KIRREL3: variants seen among roughly 807,000 people sequenced by gnomAD.
The protein encoded by KIRREL3 is kin of IRRE-like protein 3.
In KIRREL3, 36 loss-of-function variants were observed where a neutral mutation model predicts 89.7. That is an observed-to-expected ratio of 0.40 (90% confidence interval 0.31 to 0.53). The LOEUF (loss-of-function observed/expected upper bound fraction) is 0.53. Among genes scored for constraint, KIRREL3 ranks in the 20% least tolerant of loss-of-function variants. KIRREL3 has a pLI of 0.49. For missense variants in KIRREL3, 864 were observed against 1,056.6 expected (o/e 0.82, Z 2.53); for synonymous variants, 445 against 441.4 (o/e 1.01, Z -0.10).
At position 126,687,478 on chromosome 11, in the gene KIRREL3, C is replaced by T; in HGVS notation, c.56-124566G>A. Among the ~76,000 whole-genome samples the T allele has an allele frequency of 6.6e-6, 1 of 152,134 alleles. No individual in the cohort carries two copies. The highest frequency in any genetic ancestry group is 1.5e-5 in the Non-Finnish European group (1 of 68,016). On this transcript the variant is annotated intron_variant, in intron 1 of 16. Coordinates refer to ENST00000525144, the MANE Select transcript of KIRREL3 (RefSeq NM_032531.4). This position sits in a 1 kb window ranked among gnomAD's most constrained non-coding sequence, Gnocchi z 4.6. ...GTAAAGAATTCACAAAAATCCACACCAAAACCTCTAGATATTCCCATGGAG... is the reference window on the plus strand; with the variant it reads ...GTAAAGAATTCACAAAAATCCACACTAAAACCTCTAGATATTCCCATGGAG...
At chr11:126,801,482 C>T (rs1951031473) in intron 1 of KIRREL3, among the ~76,000 whole-genome samples, 1 of 152,182 alleles carries the variant, frequency 6.6e-6, no homozygotes, top group Admixed American at 6.5e-5. Context: ...CCCCAAATCT[C>T]TCATATGTGG....
At chr11:126,868,342 C>T (rs940162750) in intron 1 of KIRREL3, among the ~76,000 whole-genome samples, 1 of 152,046 alleles carries the variant, frequency 6.6e-6, no homozygotes, top group African/African-American at 2.4e-5. Flanking sequence ...TAGAGGACCC[C>T]GTAGATCGAT....
Position 126,444,946 on chromosome 11 carries a change from C to T in KIRREL3, c.1252+33G>A, listed in dbSNP as rs764525092. ...GATGCCTGAGGTCCTTCTTCCCTCC[C>T]TCAGGCCTGGCTCACCCCAGCGAGG... On this transcript the variant is annotated intron_variant, in intron 10 of 16. Coordinates refer to ENST00000525144, the MANE Select transcript of KIRREL3 (RefSeq NM_032531.4). 48 of 1,611,894 alleles carry T rather than the reference C, an allele frequency of 3.0e-5. 2 individuals are homozygous for T. The South Asian group carries it at 4.8e-4, about 16-fold the overall frequency.
At chr11:126,552,168 A>G (rs1275676338) in intron 2 of KIRREL3, among the ~76,000 whole-genome samples, 1 of 151,956 alleles carries the variant, frequency 6.6e-6, no homozygotes, top group African/African-American at 2.4e-5. Context: ...TTTCTCCACT[A>G]GTCGTTTATT....
chr11:126,925,923 A>C (rs1947694726), intron 1 of KIRREL3, among the ~76,000 whole-genome samples: 1 of 152,218 alleles, frequency 6.6e-6, no homozygotes. Context: ...AACAGCAAAC[A>C]GACACCCCCG....
chr11:126,681,711 G>C (rs969554625), intron 1 of KIRREL3: 2 of 352,160 alleles, frequency 5.7e-6, no homozygotes, highest in Non-Finnish European at 1.1e-5. Flanking sequence ...GTGTATAGTA[G>C]GTGATCAATA....
chr11:126,888,000 G>A (rs1452345348), intron 1 of KIRREL3, among the ~76,000 whole-genome samples: 1 of 152,136 alleles, frequency 6.6e-6, no homozygotes, highest in Non-Finnish European at 1.5e-5. Flanking sequence ...TATTAATGTG[G>A]ACATCAATTC....
At chr11:126,835,619 C>T (rs1485627432) in intron 1 of KIRREL3, among the ~76,000 whole-genome samples, 1 of 152,180 alleles carries the variant, frequency 6.6e-6, no homozygotes, top group East Asian at 1.9e-4. Context: ...TCAGTGTGAA[C>T]AGAGGCATGG....
At chr11:126,813,778 A>T (rs906771701) in intron 1 of KIRREL3, among the ~76,000 whole-genome samples, 2 of 152,154 alleles carry the variant, frequency 1.3e-5, no homozygotes, top group African/African-American at 4.8e-5. Context: ...GGCAAAAAAA[A>T]AAAAGGTGGG....
At chr11:126,453,521 A>G (rs990670465) in intron 7 of KIRREL3, among the ~76,000 whole-genome samples, 1 of 152,256 alleles carries the variant, frequency 6.6e-6, no homozygotes, top group African/African-American at 2.4e-5. Flanking sequence ...TCAGTTAGGA[A>G]AAATCAATGT....
intron 2 of KIRREL3, among the ~76,000 whole-genome samples, chr11:126,538,238 C>T (rs1032314256): frequency 6.6e-6 from 1 of 152,232 alleles, no homozygotes; most frequent in Admixed American, 6.5e-5. Context: ...GCTCAAATGT[C>T]ACCATCTGCC....
intron 1 of KIRREL3, among the ~76,000 whole-genome samples, chr11:126,794,612 C>A (rs1276798714): frequency 6.6e-6 from 1 of 152,092 alleles, no homozygotes; most frequent in Non-Finnish European, 1.5e-5. Context: ...TAATTACAAC[C>A]AAATGCTGGT....
In KIRREL3 at chr11:126,994,181, A is replaced by G. The variant is rs1039167238; in HGVS notation, c.55+6274T>C. 6.6e-6 allele frequency among the ~76,000 whole-genome samples: 1 copy of G among 151,952 alleles called. No homozygotes were observed. The highest frequency in any genetic ancestry group is 1.5e-5 in the Non-Finnish European group (1 of 68,010). On this transcript the variant is annotated intron_variant, in intron 1 of 16. Transcript: ENST00000525144. This position sits in a 1 kb window ranked among gnomAD's most constrained non-coding sequence, Gnocchi z 5.2. ...TCTGGAGATATCACACTGATTTAAC[A>G]TTAAGTGGTGTGTGCGTGTGTGTGT... is the stretch of plus-strand genomic sequence containing the variant.
chr11:126,599,860 G>A (rs544266714), intron 1 of KIRREL3, among the ~76,000 whole-genome samples: 1 of 152,132 alleles, frequency 6.6e-6, no homozygotes, highest in South Asian at 2.1e-4. Context: ...AGCATCAGGG[G>A]ACTTAACTTG....
At chr11:126,600,059 C>T (rs1307784849) in intron 1 of KIRREL3, among the ~76,000 whole-genome samples, 1 of 152,230 alleles carries the variant, frequency 6.6e-6, no homozygotes, top group Non-Finnish European at 1.5e-5. Context: ...CGTGTTCTGT[C>T]CTGTTGGCTC....
chr11:126,979,581 C>T (rs941291618), intron 1 of KIRREL3, among the ~76,000 whole-genome samples: 12 of 152,128 alleles, frequency 7.9e-5, no homozygotes, highest in African/African-American at 1.7e-4. Context: ...ACACCAGAGG[C>T]GGAGATAGAG....
In KIRREL3 at chr11:126,561,424, A is replaced by T. The variant is rs554161556; in HGVS notation, c.133+1411T>A. On this transcript the variant is annotated intron_variant, in intron 2 of 16. Transcript: ENST00000525144. This position sits in a 1 kb window ranked among gnomAD's most constrained non-coding sequence, Gnocchi z 4.5. ...TTTTTGGCTTCCCCAATCCCTACAA[A>T]CCTCTTTCGAGCTTCTCTAATGAGC... Among the ~76,000 whole-genome samples the T allele has an allele frequency of 1.3e-5, 2 of 151,794 alleles. No homozygotes were observed. The highest frequency in any genetic ancestry group is 4.8e-5 in the African/African-American group (2 of 41,368).
chr11:126,532,365 T>C (rs1958968271), intron 2 of KIRREL3, among the ~76,000 whole-genome samples: 1 of 149,616 alleles, frequency 6.7e-6, no homozygotes, highest in Non-Finnish European at 1.5e-5. Context: ...TATTTATCTA[T>C]TTTTATATTT....
At chr11:126,859,473 G>C (rs1944639201) in intron 1 of KIRREL3, among the ~76,000 whole-genome samples, 1 of 152,084 alleles carries the variant, frequency 6.6e-6, no homozygotes, top group Non-Finnish European at 1.5e-5. Flanking sequence ...CAACTGAACT[G>C]GACAATGGAT....
Sources: allele counts gnomAD v4.1 joint callset (sites outside exome capture counted in the v4.1 genomes callset), GRCh38; gene constraint gnomAD v4.1.1; non-coding constraint Gnocchi (gnomAD v3.1); transcripts MANE v1.5; gene names NCBI Gene and HGNC (gene_info 2026-07-23, HGNC 2026-07-21).